Variants in FAM186B observed in about 807,000 individuals in gnomAD.
FAM186B encodes the protein protein FAM186B.
A neutral mutation model predicts 83.4 loss-of-function variants in FAM186B; 68 were observed. The ratio of observed to expected loss-of-function variants is 0.81; its 90% CI spans 0.67 to 1.00. FAM186B has a LOEUF of 1.00. Among genes scored for constraint, FAM186B ranks in the 50% least tolerant of loss-of-function variants. FAM186B has a pLI of 0.00. For missense variants in FAM186B, 983 were observed against 1,099.2 expected (o/e 0.89, Z 1.49); for synonymous variants, 389 against 422.0 (o/e 0.92, Z 0.96).
rs758376053 is a variant in FAM186B, at chr12:49,588,444, C to T, written c.2534+10G>A. 9 of 1,607,588 alleles carry T rather than the reference C, an allele frequency of 5.6e-6. No individual in the cohort carries two copies. On this transcript the variant is annotated intron_variant, in intron 6 of 6. Coordinates refer to ENST00000257894, the MANE Select transcript of FAM186B (RefSeq NM_032130.3). ...TACAGCTGCTGCCCCCTCAGCTTCC[C>T]AGAACCTACCGGGCCATCTGCAGGG...
At chr12:49,593,661 C>T (rs1001049219) in intron 5 of FAM186B, among the ~76,000 whole-genome samples, 12 of 149,232 alleles carry the variant, frequency 8.0e-5, no homozygotes, top group Admixed American at 2.7e-4. Flanking sequence ...AGAAAGAGGG[C>T]CATTTCATAA....
At position 49,600,046 on chromosome 12, in the gene FAM186B, G is replaced by A. The variant is rs1158002412; in HGVS notation, c.1594C>T (p.Arg532Trp). The change falls in exon 4 of 7, where the codon CGG (arginine) becomes TGG (tryptophan). Residue 532 changes from arginine to tryptophan, a missense_variant. Coordinates refer to ENST00000257894, the MANE Select transcript of FAM186B (RefSeq NM_032130.3). This position sits in a 1 kb window ranked among gnomAD's most constrained non-coding sequence, Gnocchi z 4.3. Reference protein sequence around the residue: ...NLEDLAREQQRRWVQLEKEQE... With the variant: ...NLEDLAREQQWRWVQLEKEQE... ...TCCTTTTCTAGCTGGACCCATCTCC[G>A]CTGTTGCTCCCTGGCCAGGTCTTCC... 8.7e-6 allele frequency: 14 copies of A among 1,605,958 alleles called. No individual in the cohort carries two copies. The highest frequency in any genetic ancestry group is 1.1e-5 in the South Asian group (1 of 89,846).
intron 3 of FAM186B, among the ~76,000 whole-genome samples, 192 bp downstream of exon 3, chr12:49,602,993 A>G (rs530566708): frequency 1.3e-5 from 2 of 152,310 alleles, no homozygotes; most frequent in East Asian, 3.9e-4. Flanking sequence ...TTAGCGCTGA[A>G]GGACAGCTCA....
At chr12:49,598,103 A>G (rs546942851) in intron 5 of FAM186B, among the ~76,000 whole-genome samples, 1 of 152,324 alleles carries the variant, frequency 6.6e-6, no homozygotes, top group South Asian at 2.1e-4. Context: ...AATGGATTCT[A>G]AGCTAGACTT....
At chr12:49,595,367 C>A in intron 5 of FAM186B, 2 of 556,738 alleles carry the variant, frequency 3.6e-6, no homozygotes, top group Non-Finnish European at 7.0e-6. Context: ...CAGAATTTAC[C>A]TGAGTCTGCT....
chr12:49,593,462 C>T (rs918870386), intron 5 of FAM186B, among the ~76,000 whole-genome samples: 16 of 149,682 alleles, frequency 1.1e-4, no homozygotes, highest in African/African-American at 3.7e-4. Context: ...TGGCGAACCC[C>T]GTCTCTACTA....
Position 49,600,041 on chromosome 12 carries a change from T to C in FAM186B, c.1599A>G (p.Arg533=). The stretch of plus-strand genomic sequence containing the variant: ...CCTGCTCCTTTTCTAGCTGGACCCA[T>C]CTCCGCTGTTGCTCCCTGGCCAGGT... ...LEDLAREQQR[R]WVQLEKEQES... The change falls in exon 4 of 7, where the codon AGA becomes AGG. Residue 533 remains arginine, a synonymous_variant. Transcript: ENST00000257894. This position sits in a 1 kb window ranked among gnomAD's most constrained non-coding sequence, Gnocchi z 4.3. The C allele has an allele frequency of 6.2e-7, 1 of 1,606,694 alleles. No homozygotes were observed. The highest frequency in any genetic ancestry group is 2.2e-5 in the East Asian group (1 of 44,822).
At chr12:49,618,880 A>C in the FAM186B span, among the ~76,000 whole-genome samples, 8 of 152,270 alleles carry the variant, frequency 5.3e-5, no homozygotes, top group African/African-American at 1.9e-4. Flanking sequence ...ATTATTCCCC[A>C]AAAGTGAGGG....
At chr12:49,604,069 C>T in intron 2 of FAM186B, 1 of 527,820 alleles carries the variant, frequency 1.9e-6, no homozygotes, top group Non-Finnish European at 3.4e-6. Context: ...TAGTTTCTAT[C>T]CTGCACAAAA....
chr12:49,593,675 T>C (rs1031974515), intron 5 of FAM186B, among the ~76,000 whole-genome samples: 1 of 147,492 alleles, frequency 6.8e-6, no homozygotes. Flanking sequence ...TTCATAAGGA[T>C]AAAAGTCCAA....
chr12:49,609,313 T>C (rs1448356957), upstream of FAM186B, among the ~76,000 whole-genome samples: 6 of 152,108 alleles, frequency 3.9e-5, no homozygotes, highest in Admixed American at 6.5e-5. Flanking sequence ...CTCCAGGCAT[T>C]TGGAGCACCC....
chr12:49,592,125 G>T (rs1433907332), intron 5 of FAM186B, among the ~76,000 whole-genome samples: 1 of 152,176 alleles, frequency 6.6e-6, no homozygotes, highest in African/African-American at 2.4e-5. Context: ...CTATTGTAAG[G>T]TTCTTACACA....
the FAM186B span, among the ~76,000 whole-genome samples, chr12:49,614,978 A>G: frequency 2.6e-5 from 4 of 152,130 alleles, no homozygotes; most frequent in African/African-American, 9.7e-5. Flanking sequence ...AATATGAAAA[A>G]TTAGCCAGGC....
the FAM186B span, among the ~76,000 whole-genome samples, chr12:49,615,933 G>A: frequency 2.6e-5 from 4 of 152,240 alleles, no homozygotes; most frequent in East Asian, 7.7e-4. Context: ...GATAAAAAGT[G>A]TGACAATACC....
chr12:49,607,463 C>T (rs762898040), upstream of FAM186B, among the ~76,000 whole-genome samples: 6 of 151,770 alleles, frequency 4.0e-5, no homozygotes, highest in South Asian at 2.1e-4. Flanking sequence ...CGTAACCTAT[C>T]GATGCTCACT....
rs183756333 is a variant in FAM186B at position 49,595,176 on chromosome 12, C to T, written c.2364+3579G>A. ...GCTAAAGGAGCAGAGGAAATGGAGACGGTCATCCTGTAGATGTCATGAGGC... is the reference window on the plus strand; with the variant it reads ...GCTAAAGGAGCAGAGGAAATGGAGATGGTCATCCTGTAGATGTCATGAGGC... On this transcript the variant is annotated intron_variant, in intron 5 of 6. Transcript: ENST00000257894. The T allele has an allele frequency of 6.5e-4, 313 of 484,614 alleles. 1 individual carries two copies. Among genetic ancestry groups the T allele is most frequent in the African/African-American group, 5.2e-3 (262 of 50,086 alleles). The allele number at this position is 484,614 out of a possible 1,614,324, so 30.0% of individuals were successfully genotyped here.
At chr12:49,598,420 G>A (rs924894001) in intron 5 of FAM186B, among the ~76,000 whole-genome samples, 5 of 152,174 alleles carry the variant, frequency 3.3e-5, no homozygotes, top group African/African-American at 9.7e-5. Flanking sequence ...AGGGGAGGGA[G>A]AATCACAGCC....
downstream of FAM186B, chr12:49,584,758 C>T (rs1435175206): frequency 4.9e-6 from 3 of 617,370 alleles, no homozygotes; most frequent in African/African-American, 1.8e-5. Flanking sequence ...CTGCTCAACA[C>T]AACGTCCTCC....
rs1939964000 is a variant in FAM186B, at chr12:49,604,357, TTCA to T, written c.275_277del (p.Met92del). On this transcript the variant is annotated inframe_deletion, in exon 2 of 7. Coordinates refer to ENST00000257894, the MANE Select transcript of FAM186B (RefSeq NM_032130.3). ...GAGAATGTCATACAGGTGCTTCTCCTTCATCATAGCATCTTTGGAGAAGGAGGC... is the reference window on the plus strand; with the variant it reads ...GAGAATGTCATACAGGTGCTTCTCCTTCATAGCATCTTTGGAGAAGGAGGC... The T allele has an allele frequency of 6.2e-7, 1 of 1,614,120 alleles. No individual in the cohort carries two copies. The highest frequency in any genetic ancestry group is 8.5e-7 in the Non-Finnish European group (1 of 1,180,042).
Sources: gnomAD v4.1 joint callset for allele counts (sites outside exome capture counted in the v4.1 genomes callset) on GRCh38, gnomAD v4.1.1 for gene constraint, Gnocchi (gnomAD v3.1) non-coding constraint, MANE v1.5 for transcripts, NCBI Gene and HGNC (gene_info 2026-07-23, HGNC 2026-07-21) for gene names.